Variants in CATIP observed in about 807,000 individuals in gnomAD.
CATIP encodes the protein ciliogenesis associated TTC17 interacting protein, also known as ciliogenesis-associated TTC17-interacting protein.
Under a neutral mutation model 42.5 loss-of-function variants are expected in CATIP, and 40 were observed. The ratio of observed to expected loss-of-function variants is 0.94; its 90% CI spans 0.73 to 1.22. The LOEUF is 1.22. Ranked by LOEUF, CATIP falls within the 50% of genes most tolerant of loss-of-function variation. The pLI is 0.00. For missense variants in CATIP, 489 were observed against 496.0 expected (o/e 0.99, Z 0.13); for synonymous variants, 222 against 200.2 (o/e 1.11, Z -0.92).
chr2:218,366,912 C>T (rs1376145837), intron 7 of CATIP, 112 bp from the exon 8 acceptor site: 7 of 812,066 alleles, frequency 8.6e-6, no homozygotes, highest in Non-Finnish European at 1.5e-5. Flanking sequence ...GTAATGACCT[C>T]CCCAAAGCCC....
chr2:218,361,913 C>T (rs762521226), intron 5 of CATIP, among the ~76,000 whole-genome samples: 4 of 152,058 alleles, frequency 2.6e-5, no homozygotes, highest in African/African-American at 4.8e-5. Flanking sequence ...CGGTGGCTCA[C>T]GCCTGTAATC....
At chr2:218,367,282 C>T (rs1044109427) in intron 8 of CATIP, 148 bp from the exon 9 acceptor site, 3 of 824,068 alleles carry the variant, frequency 3.6e-6, no homozygotes, top group East Asian at 2.5e-5. Flanking sequence ...ATCTTTCCTA[C>T]TGGAAGTCCC....
In CATIP at chr2:218,367,814, C is replaced by G; in HGVS notation, c.1014C>G (p.Arg338=). ...ISDFLLFLLL[R]QPEDVVTFAA... ...ACTTCCTGCTCTTCCTGCTGCTGCG[C>G]CAGCCGGAGGACGTGGTCACCTTCG... Residue 338 remains arginine (R), a synonymous_variant, in exon 10 of 10, where the codon CGC becomes CGG. Coordinates refer to ENST00000289388, the MANE Select transcript of CATIP (RefSeq NM_198559.2). The G allele has an allele frequency of 6.2e-7, 1 of 1,613,040 alleles. No homozygotes were observed. The highest frequency in any genetic ancestry group is 8.5e-7 in the Non-Finnish European group (1 of 1,179,894).
chr2:218,367,809 C>G lies in CATIP; in HGVS notation c.1009C>G (p.Leu337Val), dbSNP rs771291964. Residue 337 changes from leucine (L) to valine (V), a missense_variant, in exon 10 of 10, where the codon CTG becomes GTG. Transcript: ENST00000289388. ...LISDFLLFLL[L>V]RQPEDVVTFA... ...CTCCGACTTCCTGCTCTTCCTGCTG[C>G]TGCGCCAGCCGGAGGACGTGGTCAC... The G allele has an allele frequency of 6.2e-7, 1 of 1,613,000 alleles. No individual in the cohort carries two copies. Among genetic ancestry groups the G allele is most frequent in the Non-Finnish European group, 8.5e-7 (1 of 1,179,890 alleles).
intron 5 of CATIP, 130 bp downstream of exon 5, chr2:218,360,789 G>C: frequency 1.7e-6 from 1 of 600,638 alleles, no homozygotes; most frequent in Non-Finnish European, 2.9e-6. Flanking sequence ...GCCTCAGGAG[G>C]TCCTGAGGAA....
intron 1 of CATIP, 48 bp from the exon 2 acceptor site, chr2:218,357,047 T>TG (rs1210655556): frequency 1.3e-6 from 2 of 1,578,742 alleles, no homozygotes; most frequent in African/African-American, 1.3e-5. Context: ...CCCTGACCCC[T>TG]GCCCTTCTCC....
chr2:218,360,244 C>T (rs865939366), intron 4 of CATIP, among the ~76,000 whole-genome samples: 1 of 152,112 alleles, frequency 6.6e-6, no homozygotes, highest in East Asian at 1.9e-4. Context: ...CCTCCGCCTC[C>T]GGGTTCAAGC....
intron 7 of CATIP, among the ~76,000 whole-genome samples, chr2:218,365,156 T>C (rs1695385799): frequency 6.6e-6 from 1 of 152,194 alleles, no homozygotes; most frequent in South Asian, 2.1e-4. Flanking sequence ...GGCTCACACC[T>C]GTAATCCCAG....
In CATIP at chr2:218,360,618, G is replaced by A. The variant is rs1160421333; in HGVS notation, c.421G>A (p.Asp141Asn). 1 of 1,614,036 alleles carries A rather than the reference G, an allele frequency of 6.2e-7. No homozygotes were observed. Among genetic ancestry groups the A allele is most frequent in the South Asian group, 1.1e-5 (1 of 91,072 alleles). Residue 141 changes from aspartate to asparagine, a missense_variant, in exon 5 of 10, where the codon GAT becomes AAT. Physicochemically the swap from Asp to Asn is conservative, Grantham distance 23 (BLOSUM62 1). Coordinates refer to ENST00000289388, the MANE Select transcript of CATIP (RefSeq NM_198559.2). ...ACGGAAGATGAGTTTGCTGAAGCAG[G>A]ATGATCAGCTGGCTGTGACCAGAAG... Reference protein sequence around the residue: ...MERKMSLLKQDDQLAVTRSIK... With the variant: ...MERKMSLLKQNDQLAVTRSIK...
At chr2:218,359,894 A>G in intron 4 of CATIP, among the ~76,000 whole-genome samples, 1 of 151,348 alleles carries the variant, frequency 6.6e-6, no homozygotes. Flanking sequence ...GGTGCAATCT[A>G]GCTCACTGCA....
intron 5 of CATIP, 71 bp downstream of exon 5, chr2:218,360,730 C>A: frequency 8.4e-7 from 1 of 1,185,758 alleles, no homozygotes; most frequent in Non-Finnish European, 1.2e-6. Flanking sequence ...AGGTCCAGAT[C>A]AATTTAGAGA....
In CATIP at chr2:218,357,130, G is replaced by T. The variant is rs2106306154; in HGVS notation, c.61G>T (p.Glu21Ter). The T allele has an allele frequency of 6.2e-7, 1 of 1,614,014 alleles. No homozygotes were observed. Among genetic ancestry groups the T allele is most frequent in the Non-Finnish European group, 8.5e-7 (1 of 1,179,968 alleles). ...RAKDHQPSGP[E>*]CLPLPEANAE... Reference sequence around the variant, plus strand: ...TAAGGACCACCAGCCCTCGGGTCCGGAGTGTCTGCCACTCCCAGAGGCCAA... The same window carrying T: ...TAAGGACCACCAGCCCTCGGGTCCGTAGTGTCTGCCACTCCCAGAGGCCAA... Residue 21 changes from glutamate to a stop codon, truncating the protein, a stop_gained, in exon 2 of 10, where the codon GAG (glutamate) becomes TAG (stop). Transcript: ENST00000289388. LOFTEE classifies it high-confidence loss of function.
At position 218,357,198 on chromosome 2, in the gene CATIP, A is replaced by G. The variant is rs1410732117; in HGVS notation, c.118+11A>G. The G allele has an allele frequency of 3.1e-6, 5 of 1,603,622 alleles. No homozygotes were observed. The highest frequency in any genetic ancestry group is 1.7e-4 in the Middle Eastern group (1 of 6,050). ...TCCTCAGCTCCCTCCGTGAGCTCAG[A>G]CAGTGTCGGGGTTGGGGGTGCGGGA... On this transcript the variant is annotated intron_variant, in intron 2 of 9. Coordinates refer to ENST00000289388, the MANE Select transcript of CATIP (RefSeq NM_198559.2).
intron 9 of CATIP, 41 bp from the exon 10 acceptor site, chr2:218,367,681 G>T: frequency 6.3e-7 from 1 of 1,577,498 alleles, no homozygotes; most frequent in East Asian, 2.3e-5. Flanking sequence ...TGGGGCGCGG[G>T]GGTCCCGTCC....
intron 2 of CATIP, 72 bp downstream of exon 2, chr2:218,357,259 GTC>G (rs144807145): frequency 0.014 from 8,264 of 602,858 alleles, 10 homozygotes; most frequent in East Asian, 0.053. Context: ...AGAAAGTCCA[GTC>G]TCTCTCTCTC....
Position 218,357,574 on chromosome 2 carries a change from G to C in CATIP, c.159G>C (p.Leu53=). Residue 53 remains leucine (L), a synonymous_variant, in exon 3 of 10, where the codon CTG becomes CTC. Coordinates refer to ENST00000289388, the MANE Select transcript of CATIP (RefSeq NM_198559.2). ...AGATGCTGTTCTTCTCTGAGACGCT[G>C]GCCATGGTCTCAGACACCGGGGAGC... ...ELQMLFFSET[L]AMVSDTGEPQ... 6.2e-7 allele frequency: 1 copy of C among 1,614,018 alleles called. No individual in the cohort carries two copies. Among genetic ancestry groups the C allele is most frequent in the Non-Finnish European group, 8.5e-7 (1 of 1,179,980 alleles).
chr2:218,357,377 TGGG>T (rs1695065676), intron 2 of CATIP, 154 bp from the exon 3 acceptor site: 2 of 724,346 alleles, frequency 2.8e-6, no homozygotes, highest in Non-Finnish European at 4.5e-6. Context: ...CATGGGGACA[TGGG>T]GCAGGAGTCT....
chr2:218,367,727 G>C lies in CATIP; in HGVS notation c.927G>C (p.Glu309Asp), dbSNP rs771470346. The change falls in exon 10 of 10, where the codon GAG becomes GAC. Residue 309 changes from glutamate to aspartate, a missense_variant. Transcript: ENST00000289388. Reference sequence around the variant, plus strand: ...CGGGCTCTGTCCCCTGCCAGGAGGAGCTCCGGCTCGGCCACGCCAGCTATC... The same window carrying C: ...CGGGCTCTGTCCCCTGCCAGGAGGACCTCCGGCTCGGCCACGCCAGCTATC... ...LYSKFLDRKE[E>D]LRLGHASYLR... is the part of the protein sequence containing the mutation. 6.3e-7 allele frequency: 1 copy of C among 1,595,886 alleles called. No homozygotes were observed. The highest frequency in any genetic ancestry group is 1.1e-5 in the South Asian group (1 of 89,454).
chr2:218,365,782 C>T (rs928493038), intron 7 of CATIP: 3 of 151,866 alleles, frequency 2.0e-5, no homozygotes, highest in Non-Finnish European at 2.9e-5. Context: ...TCTTTTCTTT[C>T]TTTCTCCTTC....
Sources: gnomAD v4.1 joint callset for allele counts (sites outside exome capture counted in the v4.1 genomes callset) on GRCh38, gnomAD v4.1.1 for gene constraint, MANE v1.5 for transcripts, NCBI Gene and HGNC (gene_info 2026-07-23, HGNC 2026-07-21) for gene names.